The following RUNDC3B variants were observed in gnomAD, a reference collection of about 807,000 sequenced individuals.
RUNDC3B encodes the protein RUN domain-containing protein 3B.
A neutral mutation model predicts 58.4 loss-of-function variants in RUNDC3B; 33 were observed. The ratio of observed to expected loss-of-function variants is 0.56; its 90% CI spans 0.43 to 0.75. RUNDC3B has a LOEUF of 0.75. RUNDC3B is among the 30% of genes least tolerant of loss of function. The pLI, the probability that RUNDC3B is intolerant of heterozygous loss-of-function variation, is 0.00. For synonymous variants in RUNDC3B, 193 were observed against 195.2 expected (o/e 0.99, Z 0.10); for missense variants, 501 against 535.7 (o/e 0.94, Z 0.64).
At chr7:87,796,301 G>A (rs1436328844) in intron 8 of RUNDC3B, among the ~76,000 whole-genome samples, 1 of 152,138 alleles carries the variant, frequency 6.6e-6, no homozygotes, top group Non-Finnish European at 1.5e-5. Context: ...ATGTTTATCA[G>A]AGCCTGGGAA....
intron 2 of RUNDC3B, among the ~76,000 whole-genome samples, chr7:87,658,157 T>C (rs1392448474): frequency 1.3e-5 from 2 of 151,850 alleles, no homozygotes; most frequent in Non-Finnish European, 2.9e-5. Context: ...GCAATACATG[T>C]GAGAAACAAA....
intron 3 of RUNDC3B, among the ~76,000 whole-genome samples, chr7:87,707,735 T>C (rs1031242390): frequency 1.3e-5 from 2 of 152,064 alleles, no homozygotes; most frequent in African/African-American, 4.8e-5. Context: ...TATACATTCT[T>C]ATCATACACC....
chr7:87,795,343 A>G (rs1835757433), intron 8 of RUNDC3B, among the ~76,000 whole-genome samples: 1 of 152,202 alleles, frequency 6.6e-6, no homozygotes, highest in Admixed American at 6.5e-5. Context: ...TTCTCAAAAG[A>G]AGACAAACAA....
At chr7:87,698,110 C>CT (rs201105691) in intron 2 of RUNDC3B, among the ~76,000 whole-genome samples, 1 of 152,120 alleles carries the variant, frequency 6.6e-6, no homozygotes, top group African/African-American at 2.4e-5. Context: ...TTTTTTATTG[C>CT]TTTTTTTGAG....
intron 9 of RUNDC3B, among the ~76,000 whole-genome samples, chr7:87,812,897 C>T (rs1017612549): frequency 2.0e-5 from 3 of 152,086 alleles, no homozygotes; most frequent in Admixed American, 6.5e-5. Context: ...GATCAGTTAC[C>T]GTTACCGCAT....
At chr7:87,749,350 C>T (rs956372745) in intron 6 of RUNDC3B, among the ~76,000 whole-genome samples, 17 of 152,032 alleles carry the variant, frequency 1.1e-4, no homozygotes, top group African/African-American at 4.1e-4. Context: ...CACTTTTTGT[C>T]TGAATTTTTT....
At chr7:87,726,573 A>G (rs1329668896) in intron 4 of RUNDC3B, among the ~76,000 whole-genome samples, 2 of 152,092 alleles carry the variant, frequency 1.3e-5, no homozygotes, top group Non-Finnish European at 2.9e-5. Flanking sequence ...TTGGCAATGC[A>G]GGCTCTTTTT....
intron 8 of RUNDC3B, among the ~76,000 whole-genome samples, chr7:87,785,558 C>T (rs1007514554): frequency 3.9e-5 from 6 of 152,140 alleles, no homozygotes; most frequent in African/African-American, 7.2e-5. Flanking sequence ...AACACTCAGG[C>T]GGGGCAGTGC....
At chr7:87,650,200 AC>A in intron 1 of RUNDC3B, among the ~76,000 whole-genome samples, 1 of 152,300 alleles carries the variant, frequency 6.6e-6, no homozygotes, top group African/African-American at 2.4e-5. Flanking sequence ...TAGTTAGGTC[AC>A]ATTTTGATTT....
intron 7 of RUNDC3B, among the ~76,000 whole-genome samples, chr7:87,776,002 A>G (rs1015757186): frequency 1.1e-4 from 16 of 152,164 alleles, no homozygotes. Context: ...GAATAGAAAA[A>G]GAAGGAATAG....
At chr7:87,718,464 G>C (rs1480847234) in intron 4 of RUNDC3B, among the ~76,000 whole-genome samples, 1 of 152,146 alleles carries the variant, frequency 6.6e-6, no homozygotes, top group East Asian at 1.9e-4. Context: ...TTACCCATCA[G>C]AGTGATGGTA....
intron 1 of RUNDC3B, among the ~76,000 whole-genome samples, chr7:87,641,725 A>G (rs936732854): frequency 1.3e-5 from 2 of 152,230 alleles, no homozygotes; most frequent in Non-Finnish European, 2.9e-5. Flanking sequence ...ATTTTATGAA[A>G]GAAAGAAAGT....
chr7:87,654,370 G>A (rs926240782), intron 2 of RUNDC3B, among the ~76,000 whole-genome samples: 1 of 152,004 alleles, frequency 6.6e-6, no homozygotes, highest in African/African-American at 2.4e-5. Context: ...GATGTTACCA[G>A]CATAAAAACA....
intron 2 of RUNDC3B, among the ~76,000 whole-genome samples, chr7:87,652,458 A>G (rs1823669830): frequency 6.6e-6 from 1 of 152,036 alleles, no homozygotes; most frequent in Non-Finnish European, 1.5e-5. Flanking sequence ...TTATTTCTGA[A>G]TAATACTATA....
chr7:87,769,460 T>TTTTTG (rs1350895392), intron 6 of RUNDC3B, among the ~76,000 whole-genome samples: 7 of 152,194 alleles, frequency 4.6e-5, no homozygotes, highest in East Asian at 1.9e-4. Flanking sequence ...GTTTGGTTGT[T>TTTTTG]TTTTGTTTTG....
chr7:87,784,122 T>A (rs1373837456), intron 8 of RUNDC3B, among the ~76,000 whole-genome samples: 1 of 152,234 alleles, frequency 6.6e-6, no homozygotes, highest in Non-Finnish European at 1.5e-5. Context: ...ATGTTGTCAT[T>A]CAACTCTTAG....
At chr7:87,683,373 G>T (rs1827125151) in intron 2 of RUNDC3B, among the ~76,000 whole-genome samples, 1 of 152,144 alleles carries the variant, frequency 6.6e-6, no homozygotes, top group Admixed American at 6.6e-5. Context: ...GGCACAAGAG[G>T]CCTAGGTTTT....
intron 3 of RUNDC3B, chr7:87,709,343 T>C (rs1829869008): frequency 7.1e-6 from 7 of 985,302 alleles, no homozygotes; most frequent in Non-Finnish European, 8.4e-6. Context: ...TCTGTGTCTT[T>C]TAGATGAAAT....
In RUNDC3B at chr7:87,628,559, C is replaced by A; in HGVS notation, c.-265C>A. The A allele has an allele frequency of 3.2e-6, 1 of 316,298 alleles. No individual in the cohort carries two copies. Among genetic ancestry groups the A allele is most frequent in the Non-Finnish European group, 5.7e-6 (1 of 176,946 alleles). The allele number at this position is 316,298 out of a possible 1,614,324, so 19.6% of individuals were successfully genotyped here. ...CGCAGCCCGGCAGTCGGCGGCGCGC[C>A]GAGGGCGGAGGTGGTGCGTGCGTGC... On this transcript the variant is annotated 5_prime_UTR_variant, in exon 1 of 11. Transcript: ENST00000394654.
Sources: gnomAD v4.1 joint callset for allele counts (sites outside exome capture counted in the v4.1 genomes callset) on GRCh38, gnomAD v4.1.1 for gene constraint, MANE v1.5 for transcripts, NCBI Gene and HGNC (gene_info 2026-07-23, HGNC 2026-07-21) for gene names.